PSD3: variants seen among roughly 807,000 people sequenced by gnomAD.
PSD3 encodes the protein PH and SEC7 domain-containing protein 3.
A neutral mutation model predicts 105.5 loss-of-function variants in PSD3; 49 were observed. The observed-to-expected ratio is 0.46, with a 90% CI of 0.37 to 0.59. PSD3 has a LOEUF of 0.59. Among genes scored for constraint, PSD3 ranks in the 20% least tolerant of loss-of-function variants. The pLI is 0.00. For missense variants in PSD3, 1,561 were observed against 1,263.8 expected, an observed-to-expected ratio of 1.24 and a Z score of -3.57; for synonymous variants, 557 against 457.8, an observed-to-expected ratio of 1.22 and a Z score of -2.77.
intron 4 of PSD3, among the ~76,000 whole-genome samples, chr8:18,838,121 A>G (rs1296442765): frequency 6.6e-6 from 1 of 152,238 alleles, no homozygotes; most frequent in Non-Finnish European, 1.5e-5. Context: ...TAATTTGTGA[A>G]ATCATATAAT....
chr8:18,908,694 A>C (rs774837172), intron 2 of PSD3, among the ~76,000 whole-genome samples: 7 of 152,208 alleles, frequency 4.6e-5, no homozygotes, highest in Non-Finnish European at 1.0e-4. Context: ...ATCATTTGGC[A>C]CTTAATTACG....
intron 2 of PSD3, among the ~76,000 whole-genome samples, chr8:18,876,789 G>T (rs564006241): frequency 6.6e-6 from 1 of 152,256 alleles, no homozygotes; most frequent in South Asian, 2.1e-4. Flanking sequence ...TTAAGAAACT[G>T]CTGAACAGTT....
intron 9 of PSD3, among the ~76,000 whole-genome samples, chr8:18,730,524 C>T (rs1803664928): frequency 6.6e-6 from 1 of 152,170 alleles, no homozygotes; most frequent in Admixed American, 6.5e-5. Context: ...CTTAGTACCT[C>T]TGAGGAAAGA....
intron 9 of PSD3, among the ~76,000 whole-genome samples, chr8:18,692,121 C>A (rs1432115255): frequency 1.3e-5 from 2 of 152,122 alleles, no homozygotes; most frequent in Admixed American, 1.3e-4. Flanking sequence ...ACTGTAAGCT[C>A]TATAGTGCAA....
At chr8:19,016,268 T>C (rs903365918), upstream of PSD3, among the ~76,000 whole-genome samples, 9 of 152,148 alleles carry the variant, frequency 5.9e-5, no homozygotes, top group African/African-American at 2.2e-4. Context: ...TGTATATTTA[T>C]CCAATAACAT....
At chr8:18,618,800 C>A (rs1190640415) in intron 11 of PSD3, among the ~76,000 whole-genome samples, 1 of 152,106 alleles carries the variant, frequency 6.6e-6, no homozygotes, top group African/African-American at 2.4e-5. Flanking sequence ...CCCACCTTAG[C>A]CCCCTGACTA....
At chr8:18,568,571 T>C (rs1368315462) in intron 14 of PSD3, among the ~76,000 whole-genome samples, 1 of 152,158 alleles carries the variant, frequency 6.6e-6, no homozygotes, top group African/African-American at 2.4e-5. Context: ...GAAGTGTCCA[T>C]TCTACACTTT....
chr8:18,787,673 G>A (rs546438799), intron 8 of PSD3, among the ~76,000 whole-genome samples: 5 of 152,170 alleles, frequency 3.3e-5, no homozygotes, highest in South Asian at 2.1e-4. Context: ...TCTCTGCAGC[G>A]ACAATATTAC....
At chr8:18,972,470 C>T (rs1824709733) in intron 1 of PSD3, among the ~76,000 whole-genome samples, 1 of 152,150 alleles carries the variant, frequency 6.6e-6, no homozygotes, top group Non-Finnish European at 1.5e-5. Flanking sequence ...TGAAGGAATC[C>T]AACCCCGGAA....
At chr8:18,864,590 T>A (rs1197309093) in intron 4 of PSD3, 1 of 152,234 alleles carries the variant, frequency 6.6e-6, no homozygotes, top group Non-Finnish European at 1.5e-5. Flanking sequence ...TTATTCCTTT[T>A]CTTTTAAGCC....
At chr8:18,688,147 T>C (rs1047646739) in intron 9 of PSD3, among the ~76,000 whole-genome samples, 1 of 152,134 alleles carries the variant, frequency 6.6e-6, no homozygotes, top group African/African-American at 2.4e-5. Context: ...GATGCCATAA[T>C]AGCTCACTGC....
intron 9 of PSD3, among the ~76,000 whole-genome samples, chr8:18,695,505 C>G (rs555214415): frequency 6.6e-6 from 1 of 152,136 alleles, no homozygotes; most frequent in East Asian, 1.9e-4. Context: ...TGATCTATTC[C>G]CCCTTAAGGG....
chr8:18,806,597 A>G (rs1368216191), intron 4 of PSD3, among the ~76,000 whole-genome samples: 4 of 152,226 alleles, frequency 2.6e-5, no homozygotes, highest in African/African-American at 9.6e-5. Context: ...AATGGATGAA[A>G]TAATAAATAT....
At chr8:18,858,556 CT>C (rs927124850) in intron 4 of PSD3, among the ~76,000 whole-genome samples, 10 of 150,348 alleles carry the variant, frequency 6.7e-5, no homozygotes, top group Middle Eastern at 3.5e-3. Flanking sequence ...CACCACAAAA[CT>C]TTTTTTTTTC....
At chr8:18,822,725 T>G (rs933942319) in intron 4 of PSD3, among the ~76,000 whole-genome samples, 1 of 152,168 alleles carries the variant, frequency 6.6e-6, no homozygotes, top group Non-Finnish European at 1.5e-5. Context: ...TCATGTTTTA[T>G]GACTTTCAGA....
intron 1 of PSD3, among the ~76,000 whole-genome samples, chr8:19,025,948 G>C (rs764252317): frequency 4.6e-5 from 7 of 152,182 alleles, no homozygotes; most frequent in African/African-American, 1.2e-4. Flanking sequence ...AGGTTTAATG[G>C]ACTCACAGTT....
chr8:18,551,609 T>C (rs2130091075), intron 15 of PSD3, among the ~76,000 whole-genome samples: 1 of 152,214 alleles, frequency 6.6e-6, no homozygotes, highest in Non-Finnish European at 1.5e-5. Flanking sequence ...CCTAGCCATG[T>C]GGTTGGTGTG....
Position 18,872,414 on chromosome 8 carries a change from T to A in PSD3, c.450A>T (p.Leu150Phe). ...ATEARIISGT[L>F]QATKVLDQDA... Reference sequence around the variant, plus strand: ...CTTGGTCCAGTACCTTTGTAGCCTGTAATGTTCCGGAAATGATTCTGGCTT... The same window carrying A: ...CTTGGTCCAGTACCTTTGTAGCCTGAAATGTTCCGGAAATGATTCTGGCTT... Residue 150 changes from leucine to phenylalanine, a missense_variant, in exon 3 of 16, where the codon TTA (leucine) becomes TTT (phenylalanine). Transcript: ENST00000327040. 1.2e-6 allele frequency: 2 copies of A among 1,614,176 alleles called. No individual in the cohort carries two copies. Among genetic ancestry groups the A allele is most frequent in the Non-Finnish European group, 1.7e-6 (2 of 1,180,030 alleles).
Position 18,804,602 on chromosome 8 carries a change from G to C in PSD3, c.1830C>G (p.Asn610Lys). The change falls in exon 6 of 16, where the codon AAC becomes AAG. Residue 610 changes from asparagine (N) to lysine (K), a missense_variant and splice_region_variant. Physicochemically the swap from Asn to Lys is moderately conservative, Grantham distance 94. Coordinates refer to ENST00000327040, the MANE Select transcript of PSD3 (RefSeq NM_015310.4). ...RSDVAKHLGK[N>K]NEFSKLVAEE... ...CTGCAACTAGTTTGCTAAATTCGTT[G>C]CTATAAGAAAACAGAATAGACTTGG... is the stretch of plus-strand genomic sequence containing the variant. The C allele has an allele frequency of 1.2e-6, 2 of 1,612,576 alleles. No homozygotes were observed. Among genetic ancestry groups the C allele is most frequent in the South Asian group, 1.1e-5 (1 of 90,948 alleles).
Sources: allele counts gnomAD v4.1 joint callset (sites outside exome capture counted in the v4.1 genomes callset), GRCh38; gene constraint gnomAD v4.1.1; transcripts MANE v1.5; gene names NCBI Gene and HGNC (gene_info 2026-07-23, HGNC 2026-07-21).